Variants in ARK2C observed in about 807,000 individuals in gnomAD.
The protein encoded by ARK2C is E3 ubiquitin-protein ligase ARK2C.
the ARK2C span, among the ~76,000 whole-genome samples, chr18:46,426,016 C>T: frequency 6.6e-6 from 1 of 152,104 alleles, no homozygotes; most frequent in Non-Finnish European, 1.5e-5. Flanking sequence ...TTTATAAGGG[C>T]AATAATCCTA....
chr18:46,412,432 G>A, the ARK2C span, among the ~76,000 whole-genome samples: 1 of 152,236 alleles, frequency 6.6e-6, no homozygotes, highest in African/African-American at 2.4e-5. Flanking sequence ...GCAGCTCACA[G>A]CTGCCTGTCA....
the ARK2C span, among the ~76,000 whole-genome samples, chr18:46,400,824 C>T: frequency 2.0e-5 from 3 of 152,138 alleles, no homozygotes; most frequent in African/African-American, 4.8e-5. Flanking sequence ...GAATCTTCCC[C>T]CTTGGTCTTC....
the ARK2C span, among the ~76,000 whole-genome samples, chr18:46,375,098 G>A: frequency 6.6e-6 from 1 of 152,124 alleles, no homozygotes; most frequent in Non-Finnish European, 1.5e-5. Context: ...ACCCAGGCAG[G>A]CTTTATCTGC....
chr18:46,334,709 TGTGTGTGAGAGAGA>T, the ARK2C span: 61 of 144,120 alleles, frequency 4.2e-4, no homozygotes, highest in African/African-American at 2.0e-3. This position sits in a 1 kb window ranked among gnomAD's most constrained non-coding sequence, Gnocchi z 4.4. Flanking sequence ...TGTGTGTGTG[TGTGTGTGAGAGAGA>T]GAGAGAGCGC....
At chr18:46,442,366 T>C in the ARK2C span, among the ~76,000 whole-genome samples, 2 of 152,204 alleles carry the variant, frequency 1.3e-5, no homozygotes, top group South Asian at 4.1e-4. Flanking sequence ...AATTTTTCTT[T>C]AAGGACTACA....
chr18:46,351,042 G>C, the ARK2C span, among the ~76,000 whole-genome samples: 7 of 152,164 alleles, frequency 4.6e-5, no homozygotes, highest in African/African-American at 1.7e-4. Context: ...CTGCCCTAGC[G>C]GGCAGACCCC....
the ARK2C span, among the ~76,000 whole-genome samples, chr18:46,362,428 G>A: frequency 1.3e-5 from 2 of 152,218 alleles, no homozygotes; most frequent in African/African-American, 2.4e-5. Flanking sequence ...AGTGTGTTGA[G>A]GGGAGGAGTG....
At chr18:46,387,734 G>T in the ARK2C span, among the ~76,000 whole-genome samples, 1 of 152,386 alleles carries the variant, frequency 6.6e-6, no homozygotes, top group South Asian at 2.1e-4. Context: ...GACGGGAGAA[G>T]CTTCTAGTCT....
At chr18:46,415,363 AC>A in the ARK2C span, among the ~76,000 whole-genome samples, 1 of 152,012 alleles carries the variant, frequency 6.6e-6, no homozygotes, top group South Asian at 2.1e-4. Flanking sequence ...TACTAAAAAT[AC>A]AAAAAATTTT....
At chr18:46,434,717 AC>A in the ARK2C span, among the ~76,000 whole-genome samples, 1 of 152,188 alleles carries the variant, frequency 6.6e-6, no homozygotes, top group South Asian at 2.1e-4. Context: ...CCCTAAGCAT[AC>A]ATGACCATAG....
the ARK2C span, among the ~76,000 whole-genome samples, chr18:46,424,825 G>T: frequency 1.3e-5 from 2 of 152,356 alleles, no homozygotes; most frequent in East Asian, 3.9e-4. Context: ...CTTACACCGG[G>T]TGACTCTGCC....
chr18:46,438,862 G>A, the ARK2C span, among the ~76,000 whole-genome samples: 1 of 152,202 alleles, frequency 6.6e-6, no homozygotes, highest in African/African-American at 2.4e-5. Context: ...GTTTTCACCT[G>A]CATTTTCTCA....
the ARK2C span, chr18:46,334,394 C>A: frequency 6.8e-7 from 1 of 1,479,094 alleles, no homozygotes; most frequent in Non-Finnish European, 9.1e-7. The surrounding 1 kb of genome is among the most constrained non-coding windows in gnomAD (Gnocchi z 4.4). Context: ...GGCACCGGGG[C>A]GGGGGCGGGC....
the ARK2C span, among the ~76,000 whole-genome samples, chr18:46,418,611 T>TAAAA: frequency 1.3e-5 from 2 of 152,222 alleles, no homozygotes; most frequent in Admixed American, 1.3e-4. Context: ...ATGGCAAGGA[T>TAAAA]TTTTAACTGC....
chr18:46,443,344 G>C, the ARK2C span, among the ~76,000 whole-genome samples: 2 of 151,968 alleles, frequency 1.3e-5, no homozygotes, highest in Non-Finnish European at 2.9e-5. Context: ...GAATTCACTA[G>C]GTTTACAATA....
the ARK2C span, among the ~76,000 whole-genome samples, chr18:46,404,363 G>A: frequency 6.6e-6 from 1 of 152,286 alleles, no homozygotes; most frequent in East Asian, 1.9e-4. Context: ...TAGGAAGAAG[G>A]ATGACAGGAA....
At chr18:46,387,955 T>G in the ARK2C span, among the ~76,000 whole-genome samples, 1 of 152,236 alleles carries the variant, frequency 6.6e-6, no homozygotes, top group Non-Finnish European at 1.5e-5. Context: ...ACAGGCAGCA[T>G]CAGAATTCCT....
the ARK2C span, among the ~76,000 whole-genome samples, chr18:46,414,909 C>T: frequency 1.3e-5 from 2 of 152,338 alleles, no homozygotes; most frequent in African/African-American, 4.8e-5. Flanking sequence ...GCGTGCACTT[C>T]CACCCAGGGC....
the ARK2C span, among the ~76,000 whole-genome samples, chr18:46,437,691 T>TAGAGAGGTTTCTTGCC: frequency 7.2e-5 from 11 of 152,242 alleles, no homozygotes; most frequent in South Asian, 2.3e-3. Flanking sequence ...CCCAAACCCC[T>TAGAGAGGTTTCTTGCC]CTCTTTCTTG....
Sources: gnomAD v4.1 joint callset for allele counts (sites outside exome capture counted in the v4.1 genomes callset) on GRCh38, gnomAD v4.1.1 for gene constraint, Gnocchi (gnomAD v3.1) non-coding constraint, MANE v1.5 for transcripts, NCBI Gene and HGNC (gene_info 2026-07-23, HGNC 2026-07-21) for gene names.